DNAH14: variants seen among roughly 807,000 people sequenced by gnomAD.
DNAH14 encodes axonemal beta dynein heavy chain 14.
Under a neutral mutation model 520.9 loss-of-function variants are expected in DNAH14, and 478 were observed. The ratio of observed to expected loss-of-function variants is 0.92; its 90% CI spans 0.85 to 0.99. The LOEUF is 0.99. Among genes scored for constraint, DNAH14 ranks in the 50% least tolerant of loss-of-function variants. The probability of loss-of-function intolerance (pLI) is 0.00; values close to 1 mark genes in which losing one functional copy is unlikely to be tolerated. For missense variants in DNAH14, 4,831 were observed against 5,234.5 expected, an observed-to-expected ratio of 0.92 and a Z score of 2.38; for synonymous variants, 1,581 against 1,757.2, an observed-to-expected ratio of 0.90 and a Z score of 2.51.
At chr1:225,044,190 G>T (rs1244323699) in intron 15 of DNAH14, among the ~76,000 whole-genome samples, 6 of 152,142 alleles carry the variant, frequency 3.9e-5, no homozygotes, top group African/African-American at 1.4e-4. Context: ...GTGCATAAAA[G>T]ATGAGAATTA....
chr1:225,266,905 A>G, intron 49 of DNAH14, 136 bp downstream of exon 49: 4 of 696,906 alleles, frequency 5.7e-6, no homozygotes, highest in Non-Finnish European at 8.8e-6. Flanking sequence ...CAAAGTTGAG[A>G]CCCTAAACTA....
At chr1:225,362,362 G>A (rs1244679199) in intron 75 of DNAH14, among the ~76,000 whole-genome samples, 1 of 152,158 alleles carries the variant, frequency 6.6e-6, no homozygotes, top group Non-Finnish European at 1.5e-5. Flanking sequence ...ATCACCTGAA[G>A]TCAGGCGTCT....
In DNAH14 at chr1:225,326,409, G is replaced by A. The variant is rs569606519; in HGVS notation, c.9723+1577G>A. On this transcript the variant is annotated intron_variant, in intron 64 of 85. Transcript: ENST00000682510. Reference sequence around the variant, plus strand: ...AAACTGATCAGAATGGACATTTGTCGTGCGGGTAGAAGCAGAGTCTTGGAG... The same window carrying A: ...AAACTGATCAGAATGGACATTTGTCATGCGGGTAGAAGCAGAGTCTTGGAG... Among the ~76,000 whole-genome samples the A allele has an allele frequency of 3.9e-5, 6 of 152,282 alleles. No homozygotes were observed. The East Asian group carries it at 7.7e-4, about 20-fold the overall frequency.
chr1:225,182,259 A>G (rs900583560), intron 36 of DNAH14, among the ~76,000 whole-genome samples: 1 of 152,196 alleles, frequency 6.6e-6, no homozygotes, highest in South Asian at 2.1e-4. Context: ...GACACCTCAT[A>G]TATGATAGAA....
chr1:224,960,704 A>G (rs2060792237), intron 4 of DNAH14, among the ~76,000 whole-genome samples: 1 of 152,034 alleles, frequency 6.6e-6, no homozygotes. Context: ...TTCCACTAAC[A>G]TCTTCTAGTT....
chr1:225,305,852 A>G (rs1485803979), intron 58 of DNAH14, among the ~76,000 whole-genome samples: 13 of 152,230 alleles, frequency 8.5e-5, no homozygotes. Flanking sequence ...AGATACTGTA[A>G]CTAATTACAC....
At position 225,392,339 on chromosome 1, in the gene DNAH14, C is replaced by T; in HGVS notation, c.13379C>T (p.Ala4460Val). Residue 4460 changes from alanine to valine, a missense_variant, in exon 84 of 86, where the codon GCT becomes GTT. Physicochemically the swap from Ala to Val is moderately conservative, Grantham distance 64. Coordinates refer to ENST00000682510, the MANE Select transcript of DNAH14 (RefSeq NM_001367479.1). ...GACTATGGGAGGTCCCGAGGAATCG[C>T]TGTGGATGCCCTCACCTTCACCCAC... ...LQDYGRSRGIAVDALTFTHHV... is the reference protein window; with the variant it reads ...LQDYGRSRGIVVDALTFTHHV... The T allele has an allele frequency of 6.4e-7, 1 of 1,552,414 alleles. No homozygotes were observed. Among genetic ancestry groups the T allele is most frequent in the Non-Finnish European group, 8.7e-7 (1 of 1,147,158 alleles).
At chr1:225,114,577 C>T (rs2076724569) in intron 23 of DNAH14, among the ~76,000 whole-genome samples, 1 of 152,164 alleles carries the variant, frequency 6.6e-6, no homozygotes, top group South Asian at 2.1e-4. Context: ...GACTTGCAGT[C>T]TTTATGGCCT....
chr1:225,354,996 G>A (rs954643459), intron 73 of DNAH14, among the ~76,000 whole-genome samples: 1 of 152,142 alleles, frequency 6.6e-6, no homozygotes, highest in African/African-American at 2.4e-5. Context: ...CTTTTCAGGT[G>A]CAATTTATTA....
intron 15 of DNAH14, among the ~76,000 whole-genome samples, chr1:225,048,796 A>G (rs2501100): frequency 0.74 from 112,309 of 152,028 alleles, 44,371 homozygotes; most frequent in Non-Finnish European, 0.88. Flanking sequence ...TGTTTTGCAA[A>G]GTGGTTGTAT....
At chr1:225,247,100 A>G (rs959596968) in intron 43 of DNAH14, among the ~76,000 whole-genome samples, 2 of 152,250 alleles carry the variant, frequency 1.3e-5, no homozygotes, top group Non-Finnish European at 2.9e-5. Context: ...GCTGGAAGCC[A>G]TCATTCTCAG....
intron 41 of DNAH14, among the ~76,000 whole-genome samples, chr1:225,226,214 G>A (rs925913413): frequency 6.6e-6 from 1 of 152,230 alleles, no homozygotes; most frequent in Non-Finnish European, 1.5e-5. Context: ...TAACATAACT[G>A]CTTGGCTAGG....
intron 79 of DNAH14, among the ~76,000 whole-genome samples, chr1:225,378,794 T>C (rs900929636): frequency 3.5e-4 from 53 of 150,272 alleles, no homozygotes; most frequent in African/African-American, 1.3e-3. Flanking sequence ...GGCAGAGAAT[T>C]GCTTGAACCC....
chr1:224,931,341 A>T (rs1205703019), intron 1 of DNAH14, among the ~76,000 whole-genome samples: 1 of 152,168 alleles, frequency 6.6e-6, no homozygotes, highest in Non-Finnish European at 1.5e-5. Context: ...TTTATTATTG[A>T]AAAATTTATT....
intron 36 of DNAH14, among the ~76,000 whole-genome samples, chr1:225,179,962 C>T (rs1179142911): frequency 6.6e-6 from 1 of 152,032 alleles, no homozygotes; most frequent in Non-Finnish European, 1.5e-5. Context: ...GTAAGGTTTC[C>T]AATGAAAAGT....
At chr1:225,231,258 A>T (rs1048825382) in intron 42 of DNAH14, 107 bp downstream of exon 42, 42 of 730,882 alleles carry the variant, frequency 5.7e-5, no homozygotes, top group Non-Finnish European at 8.3e-5. Context: ...GTATTTTCAT[A>T]GTATCAGAAT....
intron 10 of DNAH14, among the ~76,000 whole-genome samples, chr1:225,011,795 T>C (rs1235238779): frequency 7.7e-6 from 1 of 130,434 alleles, no homozygotes; most frequent in African/African-American, 3.0e-5. Context: ...TTGCTTTCCA[T>C]TTGCTTGGTA....
chr1:225,376,844 G>A (rs930481543), intron 78 of DNAH14, among the ~76,000 whole-genome samples: 4 of 152,160 alleles, frequency 2.6e-5, no homozygotes. Context: ...TTCTTGGTCA[G>A]TGGTCAATTA....
At chr1:225,057,246 A>C (rs2069241675) in intron 17 of DNAH14, among the ~76,000 whole-genome samples, 1 of 152,178 alleles carries the variant, frequency 6.6e-6, no homozygotes, top group Non-Finnish European at 1.5e-5. Context: ...GAGGTCCTTC[A>C]CATCCCTTGT....
Sources: gnomAD v4.1 joint callset for allele counts (sites outside exome capture counted in the v4.1 genomes callset) on GRCh38, gnomAD v4.1.1 for gene constraint, MANE v1.5 for transcripts, NCBI Gene and HGNC (gene_info 2026-07-23, HGNC 2026-07-21) for gene names.